Variants in CPLANE1 observed in about 807,000 individuals in gnomAD.
CPLANE1 encodes ciliogenesis and planar polarity effector complex subunit 1.
A neutral mutation model predicts 362.5 loss-of-function variants in CPLANE1; 263 were observed. The ratio of observed to expected loss-of-function variants is 0.73; its 90% CI spans 0.66 to 0.80. The LOEUF (loss-of-function observed/expected upper bound fraction) is 0.80, where lower values mean the gene tolerates loss of function less well. Among genes scored for constraint, CPLANE1 ranks in the 30% least tolerant of loss-of-function variants. The pLI is 0.00. For synonymous variants in CPLANE1, 1,212 were observed against 1,302.6 expected (o/e 0.93, Z 1.50); for missense variants, 3,461 against 3,793.4 (o/e 0.91, Z 2.30).
At chr5:37,212,035 G>A (rs4315947) in intron 16 of CPLANE1, 19 of 950,724 alleles carry the variant, frequency 2.0e-5, no homozygotes, top group Admixed American at 1.4e-4. Flanking sequence ...GTGAAAGAAC[G>A]AAAGCAGAGA....
At chr5:37,174,748 C>A (rs1780695820) in intron 31 of CPLANE1, among the ~76,000 whole-genome samples, 1 of 152,198 alleles carries the variant, frequency 6.6e-6, no homozygotes, top group Non-Finnish European at 1.5e-5. Context: ...TAGGTTTACA[C>A]TCATTCCCAT....
intron 7 of CPLANE1, among the ~76,000 whole-genome samples, chr5:37,239,303 G>A (rs1332935984): frequency 1.3e-5 from 2 of 152,068 alleles, no homozygotes; most frequent in East Asian, 1.9e-4. Flanking sequence ...AAAGCAGGCT[G>A]GGCACAGTGG....
chr5:37,240,341 C>T (rs1216309602), intron 6 of CPLANE1, among the ~76,000 whole-genome samples: 2 of 152,002 alleles, frequency 1.3e-5, no homozygotes, highest in Admixed American at 1.3e-4. Context: ...CAGAGTGAGA[C>T]TCCATATCAA....
intron 31 of CPLANE1, among the ~76,000 whole-genome samples, chr5:37,175,425 C>T (rs1037391209): frequency 2.6e-5 from 4 of 152,192 alleles, no homozygotes; most frequent in African/African-American, 4.8e-5. Context: ...TTGGGCTTTG[C>T]TTTCAACAGG....
chr5:37,121,758 C>T lies in CPLANE1; in HGVS notation c.9044G>A (p.Arg3015His), dbSNP rs771622959. Reference sequence around the variant, plus strand: ...CAGACCGTACGCTTGTGAGATTCGACGACTATAGTGTTCAGAGAGCAGCAA... The same window carrying T: ...CAGACCGTACGCTTGTGAGATTCGATGACTATAGTGTTCAGAGAGCAGCAA... The part of the protein sequence containing the change: ...DRLLLSEHYS[R>H]RISQAYGLMN... The change falls in exon 49 of 53, where the codon CGT (arginine) becomes CAT (histidine). Residue 3015 changes from arginine to histidine, a missense_variant. Arg to His is a conservative substitution (Grantham distance 29). Coordinates refer to ENST00000651892, the MANE Select transcript of CPLANE1 (RefSeq NM_001384732.1). The T allele has an allele frequency of 7.6e-5, 123 of 1,613,790 alleles. No homozygotes were observed. Among genetic ancestry groups the T allele is most frequent in the Middle Eastern group, 1.6e-4 (1 of 6,084 alleles).
At position 37,219,268 on chromosome 5, in the gene CPLANE1, G is replaced by A. The variant is rs533284885; in HGVS notation, c.2746+2056C>T. On this transcript the variant is annotated intron_variant, in intron 15 of 52. Coordinates refer to ENST00000651892, the MANE Select transcript of CPLANE1 (RefSeq NM_001384732.1). ...CGCATGGCTGGGCACAGTGGCTCAC[G>A]CCTGTAATCCCAGCACTTTGAGAGG... Among the ~76,000 whole-genome samples, 6 of 152,140 alleles carry A rather than the reference G, an allele frequency of 3.9e-5. No individual in the cohort carries two copies. The East Asian group carries it at 5.8e-4, about 15-fold the overall frequency.
At position 37,157,762 on chromosome 5, in the gene CPLANE1, C is replaced by T. The variant is rs1775554892; in HGVS notation, c.7919G>A (p.Ser2640Asn). 6 of 1,613,708 alleles carry T rather than the reference C, an allele frequency of 3.7e-6. No homozygotes were observed. The highest frequency in any genetic ancestry group is 3.4e-6 in the Non-Finnish European group (4 of 1,179,832). The change falls in exon 40 of 53, where the codon AGC (serine) becomes AAC (asparagine). Residue 2640 changes from serine (S) to asparagine (N), a missense_variant. Ser to Asn is a conservative substitution (Grantham distance 46). Transcript: ENST00000651892. The part of the protein sequence containing the change: ...PSNDNVIKQQ[S>N]DHLAVPSSAE... ...AGACGATGGAACTGCTAGATGATCGCTTTGCTGTTTGATAACATTATCATT... is the reference window on the plus strand; with the variant it reads ...AGACGATGGAACTGCTAGATGATCGTTTTGCTGTTTGATAACATTATCATT...
intron 32 of CPLANE1, among the ~76,000 whole-genome samples, chr5:37,170,891 G>A (rs1182316069): frequency 5.9e-5 from 9 of 152,144 alleles, no homozygotes; most frequent in Admixed American, 3.9e-4. Context: ...AGCCAAGATC[G>A]TGCCACTGCA....
chr5:37,230,606 T>C (rs890775594), intron 9 of CPLANE1, among the ~76,000 whole-genome samples: 6 of 152,136 alleles, frequency 3.9e-5, no homozygotes, highest in African/African-American at 1.4e-4. Context: ...TATTAACTTT[T>C]ATATCAAAGA....
At position 37,227,780 on chromosome 5, in the gene CPLANE1, C is replaced by A; in HGVS notation, c.1159G>T (p.Val387Phe). 1 of 1,551,134 alleles carries A rather than the reference C, an allele frequency of 6.4e-7. No individual in the cohort carries two copies. The highest frequency in any genetic ancestry group is 1.2e-5 in the South Asian group (1 of 84,016). Residue 387 changes from valine (V) to phenylalanine (F), a missense_variant, in exon 10 of 53, where the codon GTT becomes TTT. By Grantham distance (50) the Val-to-Phe change is conservative (BLOSUM62 -1). Around this residue, in one of 2 missense-constraint regions of CPLANE1, gnomAD observed 3,380 missense variants for 3,666.1 expected, o/e 0.92. Transcript: ENST00000651892. ...TCACTATCAGAAGCTGATGAATCAA[C>A]AGAATTATTTGAATCTTGAAACGTA... ...QFTFQDSNNS[V>F]DSSASDSDPM...
intron 42 of CPLANE1, among the ~76,000 whole-genome samples, chr5:37,151,168 C>T (rs1435397426): frequency 6.6e-6 from 1 of 152,194 alleles, no homozygotes; most frequent in Non-Finnish European, 1.5e-5. Flanking sequence ...ATCCCACTAA[C>T]TTCTACCTCT....
the CPLANE1 span, among the ~76,000 whole-genome samples, chr5:37,092,117 C>T: frequency 5.3e-5 from 8 of 152,198 alleles, no homozygotes; most frequent in African/African-American, 9.7e-5. Flanking sequence ...ATCTTAGACC[C>T]GCCTTTCTTT....
chr5:37,107,821 C>T (rs377482355), intron 52 of CPLANE1, 43 bp from the exon 53 acceptor site: 122 of 1,492,584 alleles, frequency 8.2e-5, no homozygotes, highest in Admixed American at 2.9e-4. Context: ...CCCCTAAAAA[C>T]AAACAAAAAA....
chr5:37,140,409 G>C (rs915461818), intron 44 of CPLANE1: 1 of 984,486 alleles, frequency 1.0e-6, no homozygotes, highest in African/African-American at 1.7e-5. Context: ...CAGAATCTGG[G>C]CATTTGTGGG....
Position 37,142,497 on chromosome 5 carries a change from A to G in CPLANE1, c.8462-17T>C, listed in dbSNP as rs185830844. ...AAAAACGCACTAATCCAGAGTATAT[A>G]TTACAATTAAAATAAAATAGTAGAG... On this transcript the variant is annotated splice_polypyrimidine_tract_variant and intron_variant, in intron 43 of 52. Transcript: ENST00000651892. 5.5e-6 allele frequency: 8 copies of G among 1,446,600 alleles called. No individual in the cohort carries two copies. The highest frequency in any genetic ancestry group is 1.8e-4 in the Middle Eastern group (1 of 5,514). The allele number at this position is 1,446,600 out of a possible 1,614,324, so 89.6% of individuals were successfully genotyped here. A position where few individuals can be genotyped will look rare whatever the true frequency, so the allele number is the denominator to read the frequency against.
In CPLANE1 at chr5:37,206,294, C is replaced by T; in HGVS notation, c.3052G>A (p.Ala1018Thr). 1.3e-6 allele frequency: 2 copies of T among 1,551,718 alleles called. No individual in the cohort carries two copies. Among genetic ancestry groups the T allele is most frequent in the Non-Finnish European group, 1.7e-6 (2 of 1,146,974 alleles). Residue 1018 changes from alanine to threonine, a missense_variant, in exon 17 of 53, where the codon GCT becomes ACT. Coordinates refer to ENST00000651892, the MANE Select transcript of CPLANE1 (RefSeq NM_001384732.1). Reference sequence around the variant, plus strand: ...CCAAGTTTATATGCCAACCACACAGCCTCTGGAACCAGGCCACCAATAAAT... The same window carrying T: ...CCAAGTTTATATGCCAACCACACAGTCTCTGGAACCAGGCCACCAATAAAT... ...LLFIGGLVPEAVWLAYKLGDW... is the reference protein window; with the variant it reads ...LLFIGGLVPETVWLAYKLGDW...
chr5:37,182,096 A>G (rs1782809641), intron 26 of CPLANE1, among the ~76,000 whole-genome samples: 1 of 152,138 alleles, frequency 6.6e-6, no homozygotes, highest in South Asian at 2.1e-4. Flanking sequence ...CATCTCAAAA[A>G]AAACAAAAAA....
At chr5:37,114,187 T>C (rs2149969786) in intron 51 of CPLANE1, among the ~76,000 whole-genome samples, 1 of 152,256 alleles carries the variant, frequency 6.6e-6, no homozygotes, top group Non-Finnish European at 1.5e-5. Context: ...ACTGCACAGA[T>C]TTTGTTGGAT....
At chr5:37,078,285 G>A in the CPLANE1 span, among the ~76,000 whole-genome samples, 1 of 152,188 alleles carries the variant, frequency 6.6e-6, no homozygotes, top group Non-Finnish European at 1.5e-5. Flanking sequence ...TTATAAGTGA[G>A]AATATGCACT....
Sources: gnomAD v4.1 joint callset for allele counts (sites outside exome capture counted in the v4.1 genomes callset) on GRCh38, gnomAD v4.1.1 for gene constraint, gnomAD v4.1.1 regional missense constraint, MANE v1.5 for transcripts, NCBI Gene and HGNC (gene_info 2026-07-23, HGNC 2026-07-21) for gene names.